The following AGTPBP1 variants were observed in gnomAD, a reference collection of about 807,000 sequenced individuals.
AGTPBP1 encodes the protein cytosolic carboxypeptidase 1.
A neutral mutation model predicts 143.9 loss-of-function variants in AGTPBP1; 70 were observed. That is an observed-to-expected ratio of 0.49 (90% confidence interval 0.40 to 0.59). The LOEUF (loss-of-function observed/expected upper bound fraction) is 0.59, where lower values mean the gene tolerates loss of function less well. Ranked by LOEUF, AGTPBP1 falls within the 20% of genes least tolerant of loss-of-function variation. The probability of loss-of-function intolerance (pLI) is 0.00; values close to 1 mark genes in which losing one functional copy is unlikely to be tolerated. For synonymous variants in AGTPBP1, 463 were observed against 500.2 expected, an observed-to-expected ratio of 0.93 and a Z score of 0.99; for missense variants, 1,229 against 1,464.5, an observed-to-expected ratio of 0.84 and a Z score of 2.62.
At chr9:85,572,765 C>T (rs998969550) in intron 25 of AGTPBP1, among the ~76,000 whole-genome samples, 2 of 152,088 alleles carry the variant, frequency 1.3e-5, no homozygotes, top group African/African-American at 4.8e-5. Flanking sequence ...TGAGAATTGA[C>T]AATTTTTATA....
chr9:85,633,170 T>C lies in AGTPBP1; in HGVS notation c.1507A>G (p.Lys503Glu), dbSNP rs1440640331. 1.1e-5 allele frequency: 17 copies of C among 1,613,402 alleles called. No homozygotes were observed. Among genetic ancestry groups the C allele is most frequent in the Non-Finnish European group, 1.4e-5 (16 of 1,179,862 alleles). Residue 503 changes from lysine (K) to glutamate (E), a missense_variant, in exon 14 of 26, where the codon AAA becomes GAA. Around this residue, in one of 2 missense-constraint regions of AGTPBP1, gnomAD observed 743 missense variants for 812.2 expected, o/e 0.91. Transcript: ENST00000357081. ...TFMDLAKEDI[K>E]DNDRTLQQQP... is the part of the protein sequence containing the mutation. ...TGTTGTAATGTTCTATCATTATCTTTAATATCTTCTTTTGCTAGATCCATA... is the reference window on the plus strand; with the variant it reads ...TGTTGTAATGTTCTATCATTATCTTCAATATCTTCTTTTGCTAGATCCATA...
chr9:85,621,246 C>A lies in AGTPBP1; in HGVS notation c.2055G>T (p.Gln685His). The change falls in exon 15 of 26, where the codon CAG (glutamine) becomes CAT (histidine). Residue 685 changes from glutamine to histidine, a missense_variant. Around this residue, in one of 2 missense-constraint regions of AGTPBP1, gnomAD observed 743 missense variants for 812.2 expected, o/e 0.91. Transcript: ENST00000357081. ...ATACCACACGATCTATGATATCACT[C>A]TGATGTATTAGCCTTTCAATATCTT... ...IAQDIERLIH[Q>H]SDIIDRVVYD... is the part of the protein sequence containing the mutation. 1 of 1,463,590 alleles carries A rather than the reference C, an allele frequency of 6.8e-7. No individual in the cohort carries two copies. Among genetic ancestry groups the A allele is most frequent in the Non-Finnish European group, 9.0e-7 (1 of 1,113,136 alleles). 90.7% of individuals were successfully genotyped at this position (1,463,590 alleles called of 1,614,324 possible).
chr9:85,588,276 C>T (rs1371883378), intron 21 of AGTPBP1, 22 bp downstream of exon 21: 1 of 1,571,156 alleles, frequency 6.4e-7, no homozygotes, highest in Admixed American at 1.8e-5. Context: ...TGAATATATT[C>T]TACAACTATT....
At chr9:85,598,617 G>C (rs1035767415) in intron 17 of AGTPBP1, among the ~76,000 whole-genome samples, 5 of 152,144 alleles carry the variant, frequency 3.3e-5, no homozygotes, top group Non-Finnish European at 7.4e-5. Context: ...CTGTGTAAAG[G>C]TTTACAGCAT....
At chr9:85,791,373 CAA>C in the AGTPBP1 span, 7,821 of 83,670 alleles carry the variant, frequency 0.093, 662 homozygotes, top group African/African-American at 0.26. Flanking sequence ...GACTCCGTCT[CAA>C]AAAAAAAAAA....
Position 85,632,967 on chromosome 9 carries a change from T to A in AGTPBP1, c.1710A>T (p.Ala570=), listed in dbSNP as rs770915552. ...TTCCACAAGTAGCCATGTGTGGACA[T>A]GCTTTAGCACAGGTAAGGACAGTAA... is the stretch of plus-strand genomic sequence containing the variant. ...LPLTVLTCAK[A]CPHMATCGNV... The change falls in exon 14 of 26, where the codon GCA becomes GCT. Residue 570 remains alanine, a synonymous_variant. Transcript: ENST00000357081. The A allele has an allele frequency of 6.2e-7, 1 of 1,614,150 alleles. No individual in the cohort carries two copies. The highest frequency in any genetic ancestry group is 1.3e-5 in the African/African-American group (1 of 75,050).
chr9:85,675,753 C>T (rs1010721819), intron 6 of AGTPBP1, among the ~76,000 whole-genome samples: 2 of 152,146 alleles, frequency 1.3e-5, no homozygotes, highest in Non-Finnish European at 2.9e-5. Context: ...CGGCTGGGTG[C>T]GGTGGCTCAC....
At chr9:85,569,655 T>C (rs1045933662) in intron 25 of AGTPBP1, among the ~76,000 whole-genome samples, 4 of 152,204 alleles carry the variant, frequency 2.6e-5, no homozygotes, top group Non-Finnish European at 4.4e-5. Context: ...GCGTGCTGAA[T>C]AGCTGTACGC....
intron 12 of AGTPBP1, 154 bp from the exon 13 acceptor site, chr9:85,643,097 A>G (rs1424708154): frequency 1.7e-6 from 1 of 598,574 alleles, no homozygotes; most frequent in East Asian, 2.9e-5. Flanking sequence ...TTAAATTCAA[A>G]TTTGCTTATT....
At chr9:85,776,998 T>C in the AGTPBP1 span, among the ~76,000 whole-genome samples, 2,347 of 152,284 alleles carry the variant, frequency 0.015, 64 homozygotes, top group African/African-American at 0.053. Flanking sequence ...TGCAAAGTAT[T>C]GTCATGTAAT....
chr9:85,741,665 A>G, intron 1 of AGTPBP1, 110 bp downstream of exon 1: 1 of 1,254,044 alleles, frequency 8.0e-7, no homozygotes, highest in South Asian at 3.0e-5. Flanking sequence ...GGGCGCAGGG[A>G]TCCGGGGTCG....
At chr9:85,798,346 T>G in the AGTPBP1 span, among the ~76,000 whole-genome samples, 2 of 146,408 alleles carry the variant, frequency 1.4e-5, no homozygotes, top group Non-Finnish European at 3.0e-5. Flanking sequence ...TGTACTGCTT[T>G]TATTTCCTCC....
the AGTPBP1 span, among the ~76,000 whole-genome samples, chr9:85,765,511 G>T: frequency 2.5e-4 from 38 of 151,980 alleles, no homozygotes; most frequent in Non-Finnish European, 4.7e-4. Context: ...TATAGTTTTA[G>T]TTATAGTTTT....
intron 3 of AGTPBP1, among the ~76,000 whole-genome samples, chr9:85,686,620 A>G (rs1279613348): frequency 6.6e-6 from 1 of 152,198 alleles, no homozygotes; most frequent in African/African-American, 2.4e-5. Context: ...TGTGTAAGCA[A>G]TAATTACAAC....
At position 85,677,591 on chromosome 9, in the gene AGTPBP1, TA is replaced by T. The variant is rs78796290; in HGVS notation, c.290-10del. The T allele has an allele frequency of 0.15, 142,696 of 959,372 alleles. 133 individuals carry two copies. Among genetic ancestry groups the T allele is most frequent in the South Asian group, 0.18 (8,849 of 49,512 alleles). The allele number at this position is 959,372 out of a possible 1,614,324, so 59.4% of individuals were successfully genotyped here. On this transcript the variant is annotated splice_polypyrimidine_tract_variant and intron_variant, in intron 5 of 25. Transcript: ENST00000357081. Reference sequence around the variant, plus strand: ...CACTCTTCGACCTCCACCTAAAAATTAAAAAAAAAAAAAATTTAAACAACAA... The same window carrying T: ...CACTCTTCGACCTCCACCTAAAAATTAAAAAAAAAAAAATTTAAACAACAA...
chr9:85,592,195 A>C (rs1829013378), intron 19 of AGTPBP1, among the ~76,000 whole-genome samples: 1 of 152,048 alleles, frequency 6.6e-6, no homozygotes, highest in Non-Finnish European at 1.5e-5. Flanking sequence ...AAATCATGGA[A>C]TCTTAGCTTA....
chr9:85,629,979 T>C (rs956471404), intron 14 of AGTPBP1, among the ~76,000 whole-genome samples: 1 of 152,210 alleles, frequency 6.6e-6, no homozygotes, highest in African/African-American at 2.4e-5. Context: ...TTACCTCAAA[T>C]ATTACAGGCT....
intron 10 of AGTPBP1, 87 bp downstream of exon 10, chr9:85,657,348 T>G: frequency 1.7e-6 from 2 of 1,157,140 alleles, no homozygotes; most frequent in Non-Finnish European, 2.4e-6. Context: ...TATACGTTTC[T>G]GAGTATTTGC....
At chr9:85,634,591 A>C (rs1281759772) in intron 13 of AGTPBP1, among the ~76,000 whole-genome samples, 1 of 152,188 alleles carries the variant, frequency 6.6e-6, no homozygotes, top group Non-Finnish European at 1.5e-5. Flanking sequence ...TTTTTGAAAG[A>C]TCAGATCCTA....
Sources: gnomAD v4.1 joint callset for allele counts (sites outside exome capture counted in the v4.1 genomes callset) on GRCh38, gnomAD v4.1.1 for gene constraint, gnomAD v4.1.1 regional missense constraint, MANE v1.5 for transcripts, NCBI Gene and HGNC (gene_info 2026-07-23, HGNC 2026-07-21) for gene names.